AFG2A: variants seen among roughly 807,000 people sequenced by gnomAD.
AFG2A encodes AAA ATPase AFG2A.
At chr4:122,957,850 A>G in the AFG2A span, among the ~76,000 whole-genome samples, 1 of 152,186 alleles carries the variant, frequency 6.6e-6, no homozygotes, top group Non-Finnish European at 1.5e-5. Context: ...TTAAAGAGTC[A>G]TGGTAATATC....
At chr4:123,236,622 A>G in the AFG2A span, among the ~76,000 whole-genome samples, 1 of 152,230 alleles carries the variant, frequency 6.6e-6, no homozygotes, top group East Asian at 1.9e-4. Context: ...TACAGATGAG[A>G]AAGCTAAGGC....
chr4:122,983,410 A>G, the AFG2A span, among the ~76,000 whole-genome samples: 2 of 151,384 alleles, frequency 1.3e-5, no homozygotes, highest in African/African-American at 4.9e-5. Flanking sequence ...TGTTCATTTG[A>G]GATATTTCTT....
chr4:123,221,989 T>G, the AFG2A span, among the ~76,000 whole-genome samples: 1 of 152,102 alleles, frequency 6.6e-6, no homozygotes, highest in Non-Finnish European at 1.5e-5. Flanking sequence ...ACAACACTGA[T>G]CTAAAGTGCT....
At chr4:122,989,595 C>T in the AFG2A span, among the ~76,000 whole-genome samples, 8 of 151,992 alleles carry the variant, frequency 5.3e-5, no homozygotes, top group African/African-American at 1.2e-4. Flanking sequence ...GTGGCTGGTT[C>T]GGAATTTGGG....
the AFG2A span, among the ~76,000 whole-genome samples, chr4:122,939,748 A>G: frequency 1.3e-5 from 2 of 152,174 alleles, no homozygotes; most frequent in Non-Finnish European, 2.9e-5. Flanking sequence ...GTCGTTTAGC[A>G]TTAGTTATAT....
the AFG2A span, among the ~76,000 whole-genome samples, chr4:123,114,333 G>T: frequency 6.6e-6 from 1 of 152,100 alleles, no homozygotes; most frequent in Non-Finnish European, 1.5e-5. Context: ...GACCTGCCCT[G>T]CCCCTTCCCA....
At chr4:123,184,031 A>G in the AFG2A span, among the ~76,000 whole-genome samples, 1 of 152,054 alleles carries the variant, frequency 6.6e-6, no homozygotes, top group African/African-American at 2.4e-5. Flanking sequence ...CCTGGGCTCA[A>G]GTGATCCTCC....
chr4:123,010,734 G>A, the AFG2A span, among the ~76,000 whole-genome samples: 4 of 152,160 alleles, frequency 2.6e-5, no homozygotes, highest in African/African-American at 4.8e-5. Flanking sequence ...ATCTAACCAC[G>A]TAGGCTTGCT....
the AFG2A span, among the ~76,000 whole-genome samples, chr4:123,128,880 C>T: frequency 4.6e-5 from 7 of 152,060 alleles, no homozygotes; most frequent in Non-Finnish European, 7.4e-5. Flanking sequence ...CTCTAAAACC[C>T]AGCAAAATGG....
At chr4:123,024,286 G>A in the AFG2A span, among the ~76,000 whole-genome samples, 1 of 110,936 alleles carries the variant, frequency 9.0e-6, no homozygotes, top group Admixed American at 1.0e-4. Context: ...AACGGGTGAT[G>A]ATAACGAACA....
the AFG2A span, among the ~76,000 whole-genome samples, chr4:123,182,182 T>C: frequency 6.6e-6 from 1 of 152,254 alleles, no homozygotes; most frequent in African/African-American, 2.4e-5. Flanking sequence ...CATTAAATCA[T>C]CATTAGGAGT....
the AFG2A span, among the ~76,000 whole-genome samples, chr4:123,076,861 C>T: frequency 0.027 from 4,055 of 148,136 alleles, 91 homozygotes; most frequent in Middle Eastern, 0.11. Context: ...ATACTCCCAT[C>T]TAGATGTTTC....
the AFG2A span, among the ~76,000 whole-genome samples, chr4:123,058,920 A>C: frequency 6.6e-6 from 1 of 152,172 alleles, no homozygotes; most frequent in African/African-American, 2.4e-5. Flanking sequence ...AAAAGTCCAC[A>C]GACCAAAGTC....
the AFG2A span, among the ~76,000 whole-genome samples, chr4:123,303,609 A>G: frequency 6.6e-6 from 1 of 152,026 alleles, no homozygotes; most frequent in African/African-American, 2.4e-5. Context: ...TATAAAACAT[A>G]AAAAAGCCAG....
At chr4:123,016,039 A>AC in the AFG2A span, among the ~76,000 whole-genome samples, 3 of 12,978 alleles carry the variant, frequency 2.3e-4, 1 homozygote, top group East Asian at 0.022. Context: ...CGGGGGGCTG[A>AC]CCCCCCCACT....
At chr4:123,307,635 T>G in the AFG2A span, among the ~76,000 whole-genome samples, 5 of 152,222 alleles carry the variant, frequency 3.3e-5, no homozygotes, top group Admixed American at 1.3e-4. Context: ...AATCGCCATT[T>G]GCATAATTTT....
the AFG2A span, among the ~76,000 whole-genome samples, chr4:123,181,553 A>T: frequency 6.6e-6 from 1 of 152,152 alleles, no homozygotes; most frequent in Non-Finnish European, 1.5e-5. Context: ...ATCAAGGCTG[A>T]GATTGTGCCA....
the AFG2A span, among the ~76,000 whole-genome samples, chr4:122,987,926 ATTAG>A: frequency 8.5e-5 from 13 of 152,120 alleles, no homozygotes; most frequent in Admixed American, 8.5e-4. Flanking sequence ...ATGCTTTCAT[ATTAG>A]TTAGCATCCT....
At chr4:123,098,940 A>G in the AFG2A span, among the ~76,000 whole-genome samples, 1 of 151,958 alleles carries the variant, frequency 6.6e-6, no homozygotes, top group Non-Finnish European at 1.5e-5. Flanking sequence ...GAACTTCCAC[A>G]CTATTTTCTC....
Sources: allele counts gnomAD v4.1 joint callset (sites outside exome capture counted in the v4.1 genomes callset), GRCh38; gene constraint gnomAD v4.1.1; transcripts MANE v1.5; gene names NCBI Gene and HGNC (gene_info 2026-07-23, HGNC 2026-07-21).